The following SEC14L5 variants were observed in gnomAD, a reference collection of about 807,000 sequenced individuals.
SEC14L5 encodes the protein SEC14 like lipid binding 5.
SEC14L5 carries 96 observed loss-of-function variants against 84.6 expected under a neutral mutation model. The observed-to-expected ratio is 1.13, with a 90% CI of 0.96 to 1.34. SEC14L5 has a LOEUF of 1.34. Ranked by LOEUF, SEC14L5 falls within the 40% of genes most tolerant of loss-of-function variation. The pLI is 0.00. For missense variants in SEC14L5, 1,224 were observed against 942.5 expected (o/e 1.30, Z -3.91); for synonymous variants, 546 against 383.4 (o/e 1.42, Z -4.95).
At chr16:5,013,017 G>T (rs775412729) in intron 15 of SEC14L5, among the ~76,000 whole-genome samples, 2 of 152,204 alleles carry the variant, frequency 1.3e-5, no homozygotes, top group Non-Finnish European at 2.9e-5. Context: ...CATGGCGGAA[G>T]GCAAAGGGTC....
intron 14 of SEC14L5, among the ~76,000 whole-genome samples, chr16:5,010,513 C>T (rs187166124): frequency 2.5e-4 from 38 of 152,264 alleles, no homozygotes; most frequent in Admixed American, 2.0e-3. Flanking sequence ...CATGCACACA[C>T]GCAGCACCAG....
chr16:5,000,650 C>G lies in SEC14L5; in HGVS notation c.971-5C>G. The G allele has an allele frequency of 6.4e-7, 1 of 1,550,760 alleles. No individual in the cohort carries two copies. The highest frequency in any genetic ancestry group is 1.2e-5 in the South Asian group (1 of 84,054). On this transcript the variant is annotated splice_polypyrimidine_tract_variant and splice_region_variant and intron_variant, in intron 8 of 15. Coordinates refer to ENST00000251170, the MANE Select transcript of SEC14L5 (RefSeq NM_014692.2). ...TCTTCTTTCTGCTTGGCCCCATCCA[C>G]AAAGATGGCCGCCCCCTCTACATCC...
Position 4,990,902 on chromosome 16 carries a change from G to A in SEC14L5, c.474+7G>A, listed in dbSNP as rs115760895. 8.0e-5 allele frequency: 125 copies of A among 1,569,618 alleles called. 2 individuals are homozygous for A. The African/African-American group carries it at 1.3e-3, about 16-fold the overall frequency. On this transcript the variant is annotated splice_region_variant and intron_variant, in intron 5 of 15. Transcript: ENST00000251170. ...CACCGCCAACGTCAAGAGGGTAAGC[G>A]GTGGGTTGCGTTAGTTACTGGAGGA...
intron 14 of SEC14L5, chr16:5,010,845 C>G (rs990301017): frequency 2.0e-6 from 1 of 495,740 alleles, no homozygotes; most frequent in African/African-American, 1.9e-5. Flanking sequence ...CCTGAAGTTG[C>G]ACCCCCACCC....
chr16:4,997,080 C>G lies in SEC14L5; in HGVS notation c.970+36C>G, dbSNP rs1444890985. ...CCACCCACATCATGTATAGGGCATACTTTGGTCACTGCCAAATGCACTTTA... is the reference window on the plus strand; with the variant it reads ...CCACCCACATCATGTATAGGGCATAGTTTGGTCACTGCCAAATGCACTTTA... On this transcript the variant is annotated intron_variant, in intron 8 of 15. Transcript: ENST00000251170. 6.1e-6 allele frequency: 9 copies of G among 1,480,640 alleles called. No individual in the cohort carries two copies. In the South Asian group the frequency reaches 1.1e-4, roughly 19 times the overall value. 91.7% of individuals were successfully genotyped at this position (1,480,640 alleles called of 1,614,324 possible).
At position 4,969,979 on chromosome 16, in the gene SEC14L5, G is replaced by C. The variant is rs112552426; in HGVS notation, c.63+10593G>C. On this transcript the variant is annotated intron_variant, in intron 2 of 15. Transcript: ENST00000251170. ...ACTACAGGCACACACAACCATGCTA[G>C]GCTAATGTTTGTATCTTTTGTATAG... is the stretch of plus-strand genomic sequence containing the variant. Among the ~76,000 whole-genome samples, 139 of 152,108 alleles carry C rather than the reference G, an allele frequency of 9.1e-4. 1 individual carries two copies. The Middle Eastern group carries it at 0.027, about 30-fold the overall frequency.
At chr16:4,979,877 C>A (rs557000879) in intron 2 of SEC14L5, among the ~76,000 whole-genome samples, 1 of 152,324 alleles carries the variant, frequency 6.6e-6, no homozygotes, top group South Asian at 2.1e-4. Context: ...GCCCCACCGG[C>A]CCCATCCTCA....
chr16:5,000,576 A>T, intron 8 of SEC14L5, 79 bp from the exon 9 acceptor site: 1 of 1,101,424 alleles, frequency 9.1e-7, no homozygotes. Context: ...TGAAGCTCTC[A>T]CCTGCAGCTG....
intron 2 of SEC14L5, among the ~76,000 whole-genome samples, chr16:4,975,737 C>G (rs1328479065): frequency 6.6e-6 from 1 of 152,020 alleles, no homozygotes; most frequent in South Asian, 2.1e-4. Context: ...AGATTGATAT[C>G]ACATCTGTGC....
chr16:4,996,608 A>G, intron 7 of SEC14L5, 148 bp downstream of exon 7: 2 of 625,284 alleles, frequency 3.2e-6, no homozygotes, highest in Non-Finnish European at 5.7e-6. Flanking sequence ...CTGTGAGACA[A>G]AGTCTCACTC....
At chr16:5,011,427 C>T (rs1201003694) in intron 15 of SEC14L5, among the ~76,000 whole-genome samples, 154 bp downstream of exon 15, 2 of 152,184 alleles carry the variant, frequency 1.3e-5, no homozygotes, top group Admixed American at 6.5e-5. Context: ...GACACAGCCC[C>T]GCACTAGGGT....
intron 2 of SEC14L5, among the ~76,000 whole-genome samples, chr16:4,980,392 C>T (rs1596622129): frequency 6.6e-6 from 1 of 152,118 alleles, no homozygotes; most frequent in African/African-American, 2.4e-5. Flanking sequence ...ACCAGCCTCC[C>T]CTCCGTGCCT....
In SEC14L5 at chr16:5,018,484, TAGTG is replaced by T. The variant is rs1955898515; in HGVS notation, c.*3517_*3520del. 6.6e-6 allele frequency: 1 copy of T among 152,150 alleles called. No individual in the cohort carries two copies. Among genetic ancestry groups the T allele is most frequent in the Non-Finnish European group, 1.5e-5 (1 of 68,068 alleles). The allele number at this position is 152,150 out of a possible 1,614,324, so 9.4% of individuals were successfully genotyped here. A position where few individuals can be genotyped will look rare whatever the true frequency, so the allele number is the denominator to read the frequency against. On this transcript the variant is annotated 3_prime_UTR_variant, in exon 16 of 16. Transcript: ENST00000251170. ...GAGTTCAAGACCAGCCTGGGCAACA[TAGTG>T]AGACCCTGTCTCTACAAAAAATTAA...
At chr16:4,972,107 G>T (rs113378902) in intron 2 of SEC14L5, among the ~76,000 whole-genome samples, 101 of 151,938 alleles carry the variant, frequency 6.6e-4, no homozygotes, top group African/African-American at 2.3e-3. Context: ...CTGGGTTCAA[G>T]CGATTCTCCC....
intron 2 of SEC14L5, among the ~76,000 whole-genome samples, chr16:4,978,646 A>C (rs1287802254): frequency 6.6e-6 from 1 of 151,844 alleles, no homozygotes; most frequent in Non-Finnish European, 1.5e-5. Context: ...TCTGTCACCC[A>C]GGCTGGAGTG....
chr16:5,014,824 G>T, intron 15 of SEC14L5, 35 bp from the exon 16 acceptor site: 2 of 1,533,392 alleles, frequency 1.3e-6, no homozygotes, highest in Non-Finnish European at 1.8e-6. Context: ...TTGTCACTGT[G>T]AGAGGGTAAC....
rs1423747201 is a variant in SEC14L5, at chr16:4,959,319, T to TGCTG, written c.-4_-3insCTGG. ...GGTGACCTCCATTGGTGCTCCAGCG[T>TGCTG]GAACATGGTGCAAAGATACCAGTCT... On this transcript the variant is annotated 5_prime_UTR_variant, in exon 2 of 16. Transcript: ENST00000251170. 2 of 1,613,246 alleles carry TGCTG rather than the reference T, an allele frequency of 1.2e-6. No individual in the cohort carries two copies. Among genetic ancestry groups the TGCTG allele is most frequent in the Non-Finnish European group, 1.7e-6 (2 of 1,179,406 alleles).
chr16:4,979,774 G>T (rs1450366937), intron 2 of SEC14L5, among the ~76,000 whole-genome samples: 2 of 152,178 alleles, frequency 1.3e-5, no homozygotes, highest in African/African-American at 4.8e-5. Flanking sequence ...GAAAGCAGCA[G>T]ACAGAACCTG....
rs1230055314 is a variant in SEC14L5 at position 5,011,157 on chromosome 16, C to A, written c.1863C>A (p.Pro621=). 8 of 1,612,778 alleles carry A rather than the reference C, an allele frequency of 5.0e-6. No homozygotes were observed. The highest frequency in any genetic ancestry group is 3.3e-5 in the South Asian group (3 of 90,904). ...TCCAGTGGCAAATGCACAGCCCCCC[C>A]AGCAGCGTGGCCTGCAGCCTCCCGG... The part of the protein sequence containing the change: ...YLLQWQMHSP[P]SSVACSLPGV... The change falls in exon 15 of 16, where the codon CCC becomes CCA. Residue 621 remains proline (P), a synonymous_variant. Coordinates refer to ENST00000251170, the MANE Select transcript of SEC14L5 (RefSeq NM_014692.2).
Sources: allele counts gnomAD v4.1 joint callset (sites outside exome capture counted in the v4.1 genomes callset), GRCh38; gene constraint gnomAD v4.1.1; transcripts MANE v1.5; gene names NCBI Gene and HGNC (gene_info 2026-07-23, HGNC 2026-07-21).